The following UBXN7 variants were observed in gnomAD, a reference collection of about 807,000 sequenced individuals.
UBXN7 encodes UBX domain-containing protein 7.
In UBXN7, 9 loss-of-function variants were observed where a neutral mutation model predicts 58.0. The observed-to-expected ratio is 0.16, with a 90% CI of 0.09 to 0.27. The LOEUF (loss-of-function observed/expected upper bound fraction) is 0.27, where lower values mean the gene tolerates loss of function less well. Among genes scored for constraint, UBXN7 ranks in the 10% least tolerant of loss-of-function variants. The pLI is 1.00. For synonymous variants in UBXN7, 208 were observed against 205.0 expected, an observed-to-expected ratio of 1.01 and a Z score of -0.12; for missense variants, 328 against 599.6, an observed-to-expected ratio of 0.55 and a Z score of 4.73.
chr3:196,415,864 G>A (rs1325087260), intron 1 of UBXN7, among the ~76,000 whole-genome samples: 1 of 151,994 alleles, frequency 6.6e-6, no homozygotes, highest in Non-Finnish European at 1.5e-5. Context: ...CTTACAGGAA[G>A]ACTACTTTCG....
rs552997072 is a variant in UBXN7 at position 196,399,040 on chromosome 3, G to A, written c.289+3912C>T. ...TCAAGAAAATGCCAACTGTCAAAGT[G>A]TAAACTGATAGTCTGTCAGCGATTT... is the stretch of plus-strand genomic sequence containing the variant. On this transcript the variant is annotated intron_variant, in intron 3 of 10. Transcript: ENST00000296328. Among the ~76,000 whole-genome samples the A allele has an allele frequency of 5.3e-5, 8 of 152,286 alleles. No homozygotes were observed. The East Asian group carries it at 1.3e-3, about 26-fold the overall frequency.
At chr3:196,429,415 A>C (rs1437171911) in intron 1 of UBXN7, among the ~76,000 whole-genome samples, 2 of 152,144 alleles carry the variant, frequency 1.3e-5, no homozygotes, top group African/African-American at 4.8e-5. Context: ...ACTTTTCTAA[A>C]ATCTTTCAAT....
At chr3:196,426,709 G>T (rs1255432608) in intron 1 of UBXN7, among the ~76,000 whole-genome samples, 1 of 151,940 alleles carries the variant, frequency 6.6e-6, no homozygotes, top group Admixed American at 6.6e-5. Flanking sequence ...TGAGCCGGGC[G>T]TGGTGGCGCA....
chr3:196,429,310 G>A (rs1252498330), intron 1 of UBXN7, among the ~76,000 whole-genome samples: 1 of 150,484 alleles, frequency 6.6e-6, no homozygotes, highest in Non-Finnish European at 1.5e-5. Flanking sequence ...CTGGGTGACA[G>A]AGCGAGACTC....
chr3:196,358,694 T>C (rs1322207127), intron 10 of UBXN7, among the ~76,000 whole-genome samples: 3 of 152,070 alleles, frequency 2.0e-5, no homozygotes, highest in Non-Finnish European at 2.9e-5. Context: ...TGAGCTGAGA[T>C]TGGGCCACTG....
At chr3:196,358,954 C>T (rs764117761) in intron 10 of UBXN7, among the ~76,000 whole-genome samples, 1 of 151,978 alleles carries the variant, frequency 6.6e-6, no homozygotes, top group Non-Finnish European at 1.5e-5. Context: ...AGCCACTGCA[C>T]CTGGCCTCCC....
chr3:196,428,307 A>G (rs1013654752), intron 1 of UBXN7, among the ~76,000 whole-genome samples: 7 of 152,238 alleles, frequency 4.6e-5, no homozygotes, highest in African/African-American at 1.7e-4. Flanking sequence ...CGTGTATTTT[A>G]GCTGGGCATG....
chr3:196,396,329 T>C (rs1243482360), intron 3 of UBXN7, among the ~76,000 whole-genome samples: 1 of 151,222 alleles, frequency 6.6e-6, no homozygotes, highest in Non-Finnish European at 1.5e-5. Context: ...AGGTGGCTGA[T>C]GTGAGAGGAT....
Position 196,410,804 on chromosome 3 carries a change from G to A in UBXN7, c.74-3411C>T, listed in dbSNP as rs576155404. 5.9e-5 allele frequency among the ~76,000 whole-genome samples: 9 copies of A among 151,338 alleles called. No homozygotes were observed. In the South Asian group the frequency reaches 1.7e-3, roughly 28 times the overall value. ...ACCACTGCACTCCAGCCTGGGCAAC[G>A]GAGCAAGACTCCATCTCAAAAAAAA... On this transcript the variant is annotated intron_variant, in intron 1 of 10. Coordinates refer to ENST00000296328, the MANE Select transcript of UBXN7 (RefSeq NM_015562.2).
At chr3:196,431,232 C>T (rs1050378979) in intron 1 of UBXN7, among the ~76,000 whole-genome samples, 1 of 152,192 alleles carries the variant, frequency 6.6e-6, no homozygotes, top group African/African-American at 2.4e-5. Flanking sequence ...TGAGAGGGAA[C>T]TAACATTCTG....
intron 2 of UBXN7, among the ~76,000 whole-genome samples, chr3:196,405,944 A>G (rs1262628437): frequency 6.6e-6 from 1 of 152,218 alleles, no homozygotes; most frequent in Non-Finnish European, 1.5e-5. Context: ...TGTTTTATAC[A>G]ATGAGGATAA....
chr3:196,370,670 GA>G, intron 6 of UBXN7, among the ~76,000 whole-genome samples: 1 of 151,458 alleles, frequency 6.6e-6, no homozygotes, highest in East Asian at 1.9e-4. Flanking sequence ...TACAGTAGGG[GA>G]AAAAATTAAG....
intron 1 of UBXN7, among the ~76,000 whole-genome samples, chr3:196,410,090 C>A (rs902725157): frequency 5.9e-5 from 9 of 151,940 alleles, no homozygotes; most frequent in African/African-American, 1.7e-4. Flanking sequence ...CAGGCGCCTG[C>A]CACCACACCG....
intron 1 of UBXN7, among the ~76,000 whole-genome samples, chr3:196,418,462 C>T (rs1157732263): frequency 3.9e-5 from 6 of 152,276 alleles, no homozygotes; most frequent in African/African-American, 1.4e-4. Flanking sequence ...TCATCTGATG[C>T]TATGAACATG....
At chr3:196,383,759 A>G (rs530856273) in intron 5 of UBXN7, among the ~76,000 whole-genome samples, 1 of 152,340 alleles carries the variant, frequency 6.6e-6, no homozygotes, top group African/African-American at 2.4e-5. Flanking sequence ...AATGAGAACA[A>G]AGACACAACG....
At chr3:196,400,026 C>G (rs1729908948) in intron 3 of UBXN7, 1 of 152,140 alleles carries the variant, frequency 6.6e-6, no homozygotes, top group Non-Finnish European at 1.5e-5. Context: ...GGTGTCTACA[C>G]TAAGCTCGAC....
intron 1 of UBXN7, among the ~76,000 whole-genome samples, chr3:196,422,810 T>C (rs942620911): frequency 5.9e-5 from 9 of 152,234 alleles, no homozygotes; most frequent in Non-Finnish European, 1.2e-4. Context: ...TGTACACGAC[T>C]GTTTTTGGCA....
At chr3:196,363,140 C>G (rs1728552115) in intron 8 of UBXN7, among the ~76,000 whole-genome samples, 2 of 151,574 alleles carry the variant, frequency 1.3e-5, no homozygotes, top group African/African-American at 4.8e-5. Flanking sequence ...AGGCTGGTCT[C>G]AAACTCCTGA....
intron 8 of UBXN7, 75 bp from the exon 9 acceptor site, chr3:196,362,762 A>G (rs1728539303): frequency 2.0e-6 from 3 of 1,498,046 alleles, no homozygotes; most frequent in South Asian, 2.7e-5. Context: ...CATAAGAAAT[A>G]TAATAGCTTG....
Sources: gnomAD v4.1 joint callset for allele counts (sites outside exome capture counted in the v4.1 genomes callset) on GRCh38, gnomAD v4.1.1 for gene constraint, MANE v1.5 for transcripts, NCBI Gene and HGNC (gene_info 2026-07-23, HGNC 2026-07-21) for gene names.